The following UGT2A1 variants were observed in gnomAD, a reference collection of about 807,000 sequenced individuals.
The protein encoded by UGT2A1 is UDP-glucuronosyltransferase 2A1.
UGT2A1 carries 61 observed loss-of-function variants against 45.4 expected under a neutral mutation model. That is an observed-to-expected ratio of 1.34 (90% CI 1.09 to 1.66). The LOEUF (loss-of-function observed/expected upper bound fraction) is 1.66. UGT2A1 is among the 40% of genes most tolerant of loss of function. The pLI, the probability that UGT2A1 is intolerant of heterozygous loss-of-function variation, is 0.00. For missense variants in UGT2A1, 649 were observed against 574.3 expected (o/e 1.13, Z -1.33); for synonymous variants, 229 against 196.2 (o/e 1.17, Z -1.40).
chr4:69,595,128 C>G (rs751457830), intron 5 of UGT2A1, 34 bp downstream of exon 5: 1 of 1,610,946 alleles, frequency 6.2e-7, no homozygotes, highest in East Asian at 2.2e-5. Flanking sequence ...GTCTATTGTC[C>G]CACTGTACAG....
At chr4:69,596,361 C>G (rs750566755) in intron 4 of UGT2A1, 2 of 1,600,336 alleles carry the variant, frequency 1.2e-6, no homozygotes, top group Non-Finnish European at 1.7e-6. Flanking sequence ...TACCTGAGCT[C>G]TGGATAAATT....
chr4:69,638,040 G>A (rs889764267), intron 2 of UGT2A1, among the ~76,000 whole-genome samples: 3 of 151,822 alleles, frequency 2.0e-5, no homozygotes, highest in African/African-American at 7.3e-5. Flanking sequence ...AGGAAAAAAA[G>A]GAAGGAAAAA....
chr4:69,645,305 G>A (rs983253885), intron 2 of UGT2A1, among the ~76,000 whole-genome samples: 2 of 151,682 alleles, frequency 1.3e-5, no homozygotes, highest in Admixed American at 6.6e-5. Flanking sequence ...AAAATTCAAT[G>A]CAATATTAAT....
Position 69,589,474 on chromosome 4 carries a change from G to A in UGT2A1, c.1482C>T (p.Phe494=). 6.2e-7 allele frequency: 1 copy of A among 1,614,026 alleles called. No homozygotes were observed. Among genetic ancestry groups the A allele is most frequent in the Non-Finnish European group, 8.5e-7 (1 of 1,180,018 alleles). ...TAGCCGTTGTCACACAGACCAGCAA[G>A]AACCCAATTACATCCAAAGAGTGGT... ...FQYHSLDVIG[F]LLVCVTTAIF... is the part of the protein sequence containing the mutation. The change falls in exon 7 of 7, where the codon TTC becomes TTT. Residue 494 remains phenylalanine, a synonymous_variant. Coordinates refer to ENST00000286604, the MANE Select transcript of UGT2A1 (RefSeq NM_001252275.3).
intron 3 of UGT2A1, among the ~76,000 whole-genome samples, chr4:69,601,572 T>A (rs1314764915): frequency 1.3e-5 from 2 of 152,116 alleles, no homozygotes; most frequent in Non-Finnish European, 2.9e-5. Flanking sequence ...CAGCTATCAC[T>A]ATTACCTGCA....
chr4:69,644,694 T>C (rs1022401015), intron 2 of UGT2A1, among the ~76,000 whole-genome samples: 12 of 144,962 alleles, frequency 8.3e-5, no homozygotes, highest in African/African-American at 3.2e-4. Context: ...TAGCTAGCTC[T>C]TCTTTTACAT....
chr4:69,610,621 G>A (rs113341300), intron 3 of UGT2A1, among the ~76,000 whole-genome samples: 2 of 152,246 alleles, frequency 1.3e-5, no homozygotes, highest in African/African-American at 4.8e-5. Context: ...GGCCTTTAGA[G>A]ATAATTAAGC....
At chr4:69,607,055 T>C (rs78553675) in intron 3 of UGT2A1, among the ~76,000 whole-genome samples, 23,693 of 116,292 alleles carry the variant, frequency 0.2, 5,435 homozygotes, top group Non-Finnish European at 0.24. Context: ...CTTCACAGAA[T>C]TGGAAAAAAC....
At chr4:69,639,591 A>G (rs1721938561) in intron 2 of UGT2A1, 3 of 1,609,470 alleles carry the variant, frequency 1.9e-6, no homozygotes, top group South Asian at 1.1e-5. Context: ...ATTAAAAACC[A>G]GCATCTGGAC....
At chr4:69,640,637 A>C (rs1380819383) in intron 2 of UGT2A1, among the ~76,000 whole-genome samples, 1 of 151,930 alleles carries the variant, frequency 6.6e-6, no homozygotes, top group Non-Finnish European at 1.5e-5. Context: ...TCAAAAATTA[A>C]GATTAGAAAA....
At chr4:69,600,875 C>T (rs1835821) in intron 3 of UGT2A1, among the ~76,000 whole-genome samples, 38,639 of 151,620 alleles carry the variant, frequency 0.25, 5,426 homozygotes, top group African/African-American at 0.37. Context: ...GGGAGGATGG[C>T]GCTAAACCTT....
At chr4:69,646,107 A>C (rs1560497232) in intron 2 of UGT2A1, among the ~76,000 whole-genome samples, 1 of 151,792 alleles carries the variant, frequency 6.6e-6, no homozygotes, top group Non-Finnish European at 1.5e-5. Flanking sequence ...TATTCCTTTT[A>C]ATGTCTGATT....
chr4:69,650,577 T>A (rs1722473423), intron 1 of UGT2A1, among the ~76,000 whole-genome samples: 1 of 151,964 alleles, frequency 6.6e-6, no homozygotes, highest in Admixed American at 6.6e-5. Context: ...TATCTGTTAA[T>A]AAATTAAAAA....
At chr4:69,629,476 T>C (rs538471717) in intron 3 of UGT2A1, among the ~76,000 whole-genome samples, 302 of 152,150 alleles carry the variant, frequency 2.0e-3, no homozygotes, top group African/African-American at 7.1e-3. Context: ...GACTAGATAG[T>C]TTATGTTATC....
intron 4 of UGT2A1, chr4:69,596,217 A>C: frequency 6.8e-7 from 1 of 1,465,362 alleles, no homozygotes; most frequent in Non-Finnish European, 9.1e-7. Context: ...CATTAGTAAA[A>C]AGCTGTGTAC....
Position 69,595,260 on chromosome 4 carries a change from T to C in UGT2A1, c.997-11A>G. ...GTATCTCCATAAAACCTGTGGAAAA[T>C]GGTGCTTTAATTTTGCAAGGAAAAA... On this transcript the variant is annotated splice_polypyrimidine_tract_variant and intron_variant, in intron 4 of 6. Transcript: ENST00000286604. The C allele has an allele frequency of 1.2e-6, 2 of 1,613,278 alleles. No individual in the cohort carries two copies. The highest frequency in any genetic ancestry group is 1.7e-6 in the Non-Finnish European group (2 of 1,179,714).
chr4:69,599,994 G>A (rs1326242415), intron 3 of UGT2A1, among the ~76,000 whole-genome samples: 1 of 152,104 alleles, frequency 6.6e-6, no homozygotes, highest in Non-Finnish European at 1.5e-5. Flanking sequence ...ACAATATAGT[G>A]AATAGAGAGA....
At chr4:69,596,491 G>T in intron 4 of UGT2A1, 1 of 1,317,478 alleles carries the variant, frequency 7.6e-7, no homozygotes. Context: ...AGAAACTGTT[G>T]AACTGTCTGT....
intron 6 of UGT2A1, among the ~76,000 whole-genome samples, chr4:69,590,482 T>C (rs963721688): frequency 1.3e-5 from 2 of 152,176 alleles, no homozygotes; most frequent in Non-Finnish European, 2.9e-5. Context: ...AGTTCCAGCC[T>C]GGATTCATGA....
Sources: gnomAD v4.1 joint callset for allele counts (sites outside exome capture counted in the v4.1 genomes callset) on GRCh38, gnomAD v4.1.1 for gene constraint, MANE v1.5 for transcripts, NCBI Gene and HGNC (gene_info 2026-07-23, HGNC 2026-07-21) for gene names.